The following FCHO1 variants were observed in gnomAD, a reference collection of about 807,000 sequenced individuals.
The protein encoded by FCHO1 is FCH and mu domain containing endocytic adaptor 1, also known as F-BAR domain only protein 1.
A neutral mutation model predicts 114.4 loss-of-function variants in FCHO1; 45 were observed. The observed-to-expected ratio is 0.39, with a 90% confidence interval of 0.31 to 0.50. The LOEUF is 0.50. FCHO1 is among the 20% of genes least tolerant of loss of function. The pLI is 0.77. For synonymous variants in FCHO1, 480 were observed against 488.9 expected, an observed-to-expected ratio of 0.98 and a Z score of 0.24; for missense variants, 1,042 against 1,209.6, an observed-to-expected ratio of 0.86 and a Z score of 2.06.
chr19:17,752,483 C>G (rs1167152344), intron 1 of FCHO1: 1 of 152,094 alleles, frequency 6.6e-6, no homozygotes, highest in East Asian at 1.9e-4. Flanking sequence ...AGGTCTCGAA[C>G]TCCTGACCTC....
rs2147436963 is a variant in FCHO1, at chr19:17,784,599, C to A, written c.2227-126C>A. 1.1e-6 allele frequency: 1 copy of A among 898,972 alleles called. No homozygotes were observed. The highest frequency in any genetic ancestry group is 1.4e-5 in the South Asian group (1 of 71,698). 55.7% of individuals were successfully genotyped at this position (898,972 alleles called of 1,614,324 possible). ...TAATACAGCCTCTCATCCATCAAAT[C>A]TCCCTGTGACTGGACCCCCTTGGGG... On this transcript the variant is annotated intron_variant, in intron 25 of 28. Coordinates refer to ENST00000596536, the MANE Select transcript of FCHO1 (RefSeq NM_015122.3). This position sits in a 1 kb window ranked among gnomAD's most constrained non-coding sequence, Gnocchi z 5.3.
At chr19:17,761,633 C>T (rs866421687) in intron 4 of FCHO1, among the ~76,000 whole-genome samples, 13 of 142,680 alleles carry the variant, frequency 9.1e-5, no homozygotes, top group East Asian at 2.0e-4. Context: ...CATGTATATA[C>T]ATATATATAT....
chr19:17,778,705 C>T lies in FCHO1; in HGVS notation c.1448C>T (p.Ala483Val). The stretch of plus-strand genomic sequence containing the variant: ...TCCGGCCTGGACTCTCCGTCCCACG[C>T]GGCACCTGGCCCCTCCCCAGATTCC... ...EDSGLDSPSH[A>V]APGPSPDSWV... is the part of the protein sequence containing the mutation. The change falls in exon 20 of 29, where the codon GCG (alanine) becomes GTG (valine). Residue 483 changes from alanine to valine, a missense_variant. Coordinates refer to ENST00000596536, the MANE Select transcript of FCHO1 (RefSeq NM_015122.3). The T allele has an allele frequency of 4.5e-6, 7 of 1,549,310 alleles. No individual in the cohort carries two copies.
rs1051016455 is a variant in FCHO1, at chr19:17,776,960, G to A, written c.1259+274G>A. Among the ~76,000 whole-genome samples, 2 of 151,846 alleles carry A rather than the reference G, an allele frequency of 1.3e-5. No individual in the cohort carries two copies. Among genetic ancestry groups the A allele is most frequent in the African/African-American group, 2.4e-5 (1 of 41,340 alleles). On this transcript the variant is annotated intron_variant, in intron 18 of 28. Coordinates refer to ENST00000596536, the MANE Select transcript of FCHO1 (RefSeq NM_015122.3). The surrounding 1 kb of genome is among the most constrained non-coding windows in gnomAD (Gnocchi z 4.4). ...TTACAGGCACCCACCACCACGCCCA[G>A]CTAACTTTTGTATTTTTAGTAGAGA...
intron 7 of FCHO1, among the ~76,000 whole-genome samples, chr19:17,768,042 G>A (rs4808686): frequency 0.44 from 66,136 of 151,840 alleles, 15,301 homozygotes; most frequent in East Asian, 0.71. Context: ...TTAAAAAGGG[G>A]GTTGGTAATA....
rs376079951 is a variant in FCHO1 at position 17,788,077 on chromosome 19, G to T, written c.2648-207G>T. 2.3e-4 allele frequency among the ~76,000 whole-genome samples: 35 copies of T among 152,082 alleles called. 1 individual carries two copies. The South Asian group carries it at 7.3e-3, about 32-fold the overall frequency. On this transcript the variant is annotated intron_variant, in intron 28 of 28. Coordinates refer to ENST00000596536, the MANE Select transcript of FCHO1 (RefSeq NM_015122.3). ...AAGGACCCCAGCCAGGGAGCCCGAA[G>T]TCCCCCCTGCCACCCCCTCCTCCAG...
At chr19:17,767,408 A>C (rs1271006353) in intron 7 of FCHO1, among the ~76,000 whole-genome samples, 1 of 144,940 alleles carries the variant, frequency 6.9e-6, no homozygotes, top group Non-Finnish European at 1.5e-5. Context: ...AAAAAAAAAA[A>C]CACCCAAAAC....
At chr19:17,785,425 G>T (rs2093787402) in intron 26 of FCHO1, among the ~76,000 whole-genome samples, 1 of 152,064 alleles carries the variant, frequency 6.6e-6, no homozygotes, top group Non-Finnish European at 1.5e-5. Flanking sequence ...GTTTCACCAT[G>T]TTGGTCAGGC....
At chr19:17,748,808 C>T (rs1037205763), upstream of FCHO1, among the ~76,000 whole-genome samples, 2 of 152,152 alleles carry the variant, frequency 1.3e-5, no homozygotes, top group South Asian at 4.1e-4. Flanking sequence ...TTGGGAGCTT[C>T]GGACCCTGCA....
intron 23 of FCHO1, among the ~76,000 whole-genome samples, 167 bp downstream of exon 23, chr19:17,781,987 CTTTTTTTTTTTTTTTTTTTTTT>C (rs67498129): frequency 7.9e-6 from 1 of 126,032 alleles, no homozygotes; most frequent in Non-Finnish European, 1.6e-5. Context: ...ATAGGAGGGC[CTTTTTTTTTTTTTTTTTTTTTT>C]TTTTTTTGAG....
At chr19:17,768,639 A>G (rs1384640505) in intron 7 of FCHO1, among the ~76,000 whole-genome samples, 1 of 150,954 alleles carries the variant, frequency 6.6e-6, no homozygotes, top group Non-Finnish European at 1.5e-5. Context: ...GGTTGCAGTC[A>G]GTTGAGATCG....
chr19:17,761,296 T>C (rs1481458308), intron 4 of FCHO1, among the ~76,000 whole-genome samples: 1 of 151,970 alleles, frequency 6.6e-6, no homozygotes, highest in Non-Finnish European at 1.5e-5. Context: ...AAAACACAAC[T>C]ACAGTGACTT....
At chr19:17,764,136 T>C (rs1431933121) in intron 5 of FCHO1, among the ~76,000 whole-genome samples, 1 of 151,326 alleles carries the variant, frequency 6.6e-6, no homozygotes, top group Non-Finnish European at 1.5e-5. Context: ...ACCTCCTAGG[T>C]TCAAGCGATT....
rs369581648 is a variant in FCHO1, at chr19:17,778,785, C to G, written c.1528C>G (p.Pro510Ala). 6.5e-7 allele frequency: 1 copy of G among 1,539,598 alleles called. No homozygotes were observed. Among genetic ancestry groups the G allele is most frequent in the Non-Finnish European group, 8.7e-7 (1 of 1,148,544 alleles). Residue 510 changes from proline (P) to alanine (A), a missense_variant, in exon 20 of 29, where the codon CCA becomes GCA. Pro to Ala is a conservative substitution (Grantham distance 27). This residue lies in a region of FCHO1 where 455 missense variants were observed against 455.4 expected (regional missense o/e 1.00). Transcript: ENST00000596536. ...QSPPSCRAPP[P>A]EARGIRAPPL... Reference sequence around the variant, plus strand: ...CCCGCCCAGCTGTAGGGCGCCACCCCCAGAGGCCAGGGGTATCCGGGCACC... The same window carrying G: ...CCCGCCCAGCTGTAGGGCGCCACCCGCAGAGGCCAGGGGTATCCGGGCACC...
chr19:17,781,561 C>T (rs759593672), intron 22 of FCHO1, 22 bp downstream of exon 22: 2 of 1,612,392 alleles, frequency 1.2e-6, no homozygotes, highest in Admixed American at 1.7e-5. Context: ...CGGTCCTGGG[C>T]CTGGCTTTGG....
intron 28 of FCHO1, 44 bp from the exon 29 acceptor site, chr19:17,788,240 A>ACCCCCCCCCCCCCCCCCC: frequency 1.5e-6 from 1 of 655,838 alleles, no homozygotes; most frequent in Non-Finnish European, 2.7e-6. Context: ...CCCCTCCCGT[A>ACCCCCCCCCCCCCCCCCC]CCCCTCCTCC....
Position 17,783,295 on chromosome 19 carries a change from C to T in FCHO1, c.2093+123C>T, listed in dbSNP as rs1450264301. The T allele has an allele frequency of 5.6e-6, 6 of 1,067,770 alleles. No homozygotes were observed. In the East Asian group the frequency reaches 1.6e-4, roughly 28 times the overall value. 66.1% of individuals were successfully genotyped at this position (1,067,770 alleles called of 1,614,324 possible). On this transcript the variant is annotated intron_variant, in intron 24 of 28. Transcript: ENST00000596536. Reference sequence around the variant, plus strand: ...TCTTTTTTTTTTGTAGAGACGGAGTCTTGCTCTGTCGCCCAGGCTGGAGTG... The same window carrying T: ...TCTTTTTTTTTTGTAGAGACGGAGTTTTGCTCTGTCGCCCAGGCTGGAGTG...
In FCHO1 at chr19:17,784,042, T is replaced by C; in HGVS notation, c.2094-61T>C. The C allele has an allele frequency of 6.4e-7, 1 of 1,571,990 alleles. No homozygotes were observed. Among genetic ancestry groups the C allele is most frequent in the Non-Finnish European group, 8.7e-7 (1 of 1,152,042 alleles). On this transcript the variant is annotated intron_variant, in intron 24 of 28. Coordinates refer to ENST00000596536, the MANE Select transcript of FCHO1 (RefSeq NM_015122.3). This position sits in a 1 kb window ranked among gnomAD's most constrained non-coding sequence, Gnocchi z 5.3. ...CATCTTTAGGAAGGGGTAGATTGAA[T>C]GCTGGGAGCCCTGGGAGGGCATGTC... is the stretch of plus-strand genomic sequence containing the variant.
intron 4 of FCHO1, among the ~76,000 whole-genome samples, chr19:17,761,969 T>TTTCATTCA (rs111716506): frequency 0.17 from 24,716 of 148,096 alleles, 2,242 homozygotes; most frequent in African/African-American, 0.24. Flanking sequence ...TTTATTTTTA[T>TTTCATTCA]TTCATTCATT....
Sources: allele counts gnomAD v4.1 joint callset (sites outside exome capture counted in the v4.1 genomes callset), GRCh38; gene constraint gnomAD v4.1.1; regional missense constraint gnomAD v4.1.1; non-coding constraint Gnocchi (gnomAD v3.1); transcripts MANE v1.5; gene names NCBI Gene and HGNC (gene_info 2026-07-23, HGNC 2026-07-21).